Variants in CERS1 observed in about 807,000 individuals in gnomAD.
CERS1 encodes the protein Embryonic growth/differentiation factor 1.
CERS1 carries 16 observed loss-of-function variants against 35.7 expected under a neutral mutation model. The ratio of observed to expected loss-of-function variants is 0.45; its 90% CI spans 0.30 to 0.68. The LOEUF is 0.68. Among genes scored for constraint, CERS1 ranks in the 30% least tolerant of loss-of-function variants. CERS1 has a pLI of 0.08. For missense variants in CERS1, 454 were observed against 453.9 expected, an observed-to-expected ratio of 1.00 and a Z score of 0.00; for synonymous variants, 243 against 201.6, an observed-to-expected ratio of 1.21 and a Z score of -1.74.
intron 6 of CERS1, among the ~76,000 whole-genome samples, chr19:18,875,489 GC>G (rs1383438958): frequency 2.0e-5 from 3 of 150,684 alleles, no homozygotes; most frequent in African/African-American, 7.3e-5. Flanking sequence ...GTTGCAGTGA[GC>G]TGAGATCACA....
chr19:18,874,491 G>GGGCAGT (rs2056027648), intron 6 of CERS1, among the ~76,000 whole-genome samples: 1 of 152,156 alleles, frequency 6.6e-6, no homozygotes, highest in Non-Finnish European at 1.5e-5. Flanking sequence ...ACTGCTGCAG[G>GGGCAGT]GGCAGTGGCA....
At position 18,893,435 on chromosome 19, in the gene CERS1, G is replaced by A. The variant is rs1182443878; in HGVS notation, c.390C>T (p.Asp130=). Reference sequence around the variant, plus strand: ...CCCTACCGTAGAAGACAGATGGTGGGTCATGGAAGAAGGGGTAGTCGGTGC... The same window carrying A: ...CCCTACCGTAGAAGACAGATGGTGGATCATGGAAGAAGGGGTAGTCGGTGC... ...LFGTDYPFFH[D]PPSVFYDWTP... is the part of the protein sequence containing the mutation. The change falls in exon 2 of 8, where the codon GAC becomes GAT. Residue 130 remains aspartate, a synonymous_variant. Coordinates refer to ENST00000623882, the MANE Select transcript of CERS1 (RefSeq NM_021267.5). 3 of 1,605,134 alleles carry A rather than the reference G, an allele frequency of 1.9e-6. No individual in the cohort carries two copies. The highest frequency in any genetic ancestry group is 2.6e-6 in the Non-Finnish European group (3 of 1,176,198).
intron 3 of CERS1, 109 bp downstream of exon 3, chr19:18,883,978 G>A (rs927342103): frequency 3.3e-6 from 4 of 1,224,832 alleles, no homozygotes; most frequent in Admixed American, 4.6e-5. Flanking sequence ...TGAGCACTCC[G>A]ACCTGATGTG....
intron 6 of CERS1, among the ~76,000 whole-genome samples, chr19:18,873,668 A>G (rs978292542): frequency 4.0e-5 from 6 of 151,704 alleles, no homozygotes; most frequent in Admixed American, 3.3e-4. Flanking sequence ...GTGAAACCTC[A>G]TCTCTACTAA....
rs996386218 is a variant in CERS1 at position 18,870,280 on chromosome 19, C to T, written c.*297G>A. ...GCCAGGAGGAGGAGGAGGTGGTGGC[C>T]GCAGGGACCTTGCTGCGGCGGTGGC... On this transcript the variant is annotated 3_prime_UTR_variant, in exon 7 of 8. Coordinates refer to ENST00000623882, the MANE Select transcript of CERS1 (RefSeq NM_021267.5). This position sits in a 1 kb window ranked among gnomAD's most constrained non-coding sequence, Gnocchi z 5.1. 11 of 1,549,228 alleles carry T rather than the reference C, an allele frequency of 7.1e-6. No homozygotes were observed. The highest frequency in any genetic ancestry group is 1.2e-5 in the South Asian group (1 of 84,246).
chr19:18,879,505 G>T (rs2056141956), intron 4 of CERS1, 117 bp from the exon 5 acceptor site: 3 of 1,248,966 alleles, frequency 2.4e-6, no homozygotes, highest in Non-Finnish European at 3.3e-6. Flanking sequence ...GCCCACCTCT[G>T]CCCACCTGTT....
chr19:18,875,092 T>C (rs1454308221), intron 6 of CERS1, among the ~76,000 whole-genome samples: 1 of 151,564 alleles, frequency 6.6e-6, no homozygotes, highest in Non-Finnish European at 1.5e-5. Flanking sequence ...TAAAATTAGC[T>C]GGATATGATG....
chr19:18,885,144 T>C (rs986399080), intron 2 of CERS1, among the ~76,000 whole-genome samples: 5 of 152,218 alleles, frequency 3.3e-5, no homozygotes, highest in Non-Finnish European at 7.3e-5. Context: ...TTAAGTGGTA[T>C]ATTTGCTACA....
chr19:18,872,164 G>A (rs571710369), intron 6 of CERS1, among the ~76,000 whole-genome samples: 10 of 152,350 alleles, frequency 6.6e-5, no homozygotes, highest in Admixed American at 6.5e-4. Context: ...CATCCTCGGT[G>A]ATGGGTGCCC....
At position 18,868,843 on chromosome 19, in the gene CERS1, G is replaced by A. The variant is rs1190004222; in HGVS notation, c.*1142C>T. 2.8e-6 allele frequency: 4 copies of A among 1,450,420 alleles called. No homozygotes were observed. The African/African-American group carries it at 5.9e-5, about 22-fold the overall frequency. The allele number at this position is 1,450,420 out of a possible 1,614,324, so 89.8% of individuals were successfully genotyped here. A position where few individuals can be genotyped will look rare whatever the true frequency, so the allele number is the denominator to read the frequency against. Reference sequence around the variant, plus strand: ...ACTGACCCTGGCAGTAGTTGGCCAGGAAGCCGCGCGGCGCGATGACCCAGC... The same window carrying A: ...ACTGACCCTGGCAGTAGTTGGCCAGAAAGCCGCGCGGCGCGATGACCCAGC... On this transcript the variant is annotated 3_prime_UTR_variant, in exon 8 of 8. Coordinates refer to ENST00000623882, the MANE Select transcript of CERS1 (RefSeq NM_021267.5).
chr19:18,879,260 A>G lies in CERS1; in HGVS notation c.881T>C (p.Met294Thr). Residue 294 changes from methionine to threonine, a missense_variant, in exon 5 of 8, where the codon ATG (methionine) becomes ACG (threonine). Physicochemically the swap from Met to Thr is moderately conservative, Grantham distance 81 (BLOSUM62 -1). Transcript: ENST00000623882. ...FNALLLLLTL[M>T]NLYWFLYIVA... ...ACTCACCAGGAACCAGTAGAGGTTC[A>G]TAAGGGTGAGCAGCAGCAGGAGCGC... The G allele has an allele frequency of 6.2e-7, 1 of 1,613,726 alleles. No individual in the cohort carries two copies. Among genetic ancestry groups the G allele is most frequent in the Admixed American group, 1.7e-5 (1 of 59,978 alleles).
chr19:18,873,630 G>A (rs943088954), intron 6 of CERS1, among the ~76,000 whole-genome samples: 1 of 151,960 alleles, frequency 6.6e-6, no homozygotes, highest in Non-Finnish European at 1.5e-5. Flanking sequence ...CTGAGGTCAG[G>A]TGTTCAAGAC....
intron 2 of CERS1, among the ~76,000 whole-genome samples, chr19:18,889,116 TC>T (rs1416716384): frequency 1.3e-5 from 2 of 152,002 alleles, no homozygotes; most frequent in Non-Finnish European, 2.9e-5. Context: ...GGTCTGGAAC[TC>T]CCGGCCTCAA....
At chr19:18,887,908 TCCCCATTCCCCTCCCCCAGCCCTGGCACC>T (rs2056399721) in intron 2 of CERS1, among the ~76,000 whole-genome samples, 1 of 152,052 alleles carries the variant, frequency 6.6e-6, no homozygotes, top group South Asian at 2.1e-4. Context: ...AAACAGTCTC[TCCCCATTCCCCTCCCCCAGCCCTGGCACC>T]CCCCATCCCA....
At chr19:18,891,548 T>A (rs986238658) in intron 2 of CERS1, among the ~76,000 whole-genome samples, 3 of 149,246 alleles carry the variant, frequency 2.0e-5, no homozygotes, top group Non-Finnish European at 3.0e-5. Flanking sequence ...CTCCAATCAA[T>A]TGGACACAGC....
intron 6 of CERS1, chr19:18,877,968 G>A (rs1224630064): frequency 2.0e-6 from 2 of 984,594 alleles, no homozygotes; most frequent in Non-Finnish European, 2.4e-6. Flanking sequence ...CGAATCTGAT[G>A]GGTTCTCCCT....
At position 18,871,077 on chromosome 19, in the gene CERS1, CATGTTCTTTT is replaced by C. The variant is rs1034163152; in HGVS notation, c.1011-468_1011-459del. 9.9e-5 allele frequency among the ~76,000 whole-genome samples: 15 copies of C among 152,130 alleles called. No homozygotes were observed. In the South Asian group the frequency reaches 2.3e-3, roughly 23 times the overall value. On this transcript the variant is annotated intron_variant, in intron 6 of 7. Transcript: ENST00000623882. ...CTGCTGTCTCCACCTACTTCCCTTC[CATGTTCTTTT>C]ATTTTCCTTTTTTTTTTTTGGTCTT...
At chr19:18,881,652 T>C (rs2056213127) in intron 3 of CERS1, 1 of 152,282 alleles carries the variant, frequency 6.6e-6, no homozygotes, top group South Asian at 2.1e-4. Flanking sequence ...TCCCTGTTCC[T>C]TGCTCTGTCT....
At chr19:18,875,213 G>A (rs1372428519) in intron 6 of CERS1, among the ~76,000 whole-genome samples, 1 of 151,482 alleles carries the variant, frequency 6.6e-6, no homozygotes, top group Non-Finnish European at 1.5e-5. Context: ...TCCAGCGTGG[G>A]CGACAGAGTG....
Sources: gnomAD v4.1 joint callset for allele counts (sites outside exome capture counted in the v4.1 genomes callset) on GRCh38, gnomAD v4.1.1 for gene constraint, Gnocchi (gnomAD v3.1) non-coding constraint, MANE v1.5 for transcripts, NCBI Gene and HGNC (gene_info 2026-07-23, HGNC 2026-07-21) for gene names.